The following DNAH10 variants were observed in gnomAD, a reference collection of about 807,000 sequenced individuals.
DNAH10 encodes the protein dynein axonemal heavy chain 10, also known as axonemal beta dynein heavy chain 10.
DNAH10 carries 348 observed loss-of-function variants against 506.6 expected under a neutral mutation model. That is an observed-to-expected ratio of 0.69 (90% CI 0.63 to 0.75). DNAH10 has a LOEUF of 0.75. DNAH10 is among the 30% of genes least tolerant of loss of function. The probability of loss-of-function intolerance (pLI) is 0.00; values close to 1 mark genes in which losing one functional copy is unlikely to be tolerated. For synonymous variants in DNAH10, 2,059 were observed against 2,198.6 expected (o/e 0.94, Z 1.78); for missense variants, 5,179 against 5,787.1 (o/e 0.89, Z 3.41).
intron 26 of DNAH10, among the ~76,000 whole-genome samples, chr12:123,831,736 C>CA (rs938094095): frequency 2.0e-5 from 3 of 151,544 alleles, no homozygotes; most frequent in Non-Finnish European, 2.9e-5. Flanking sequence ...ACTAAAAATA[C>CA]AAAAAAAATT....
chr12:123,819,351 T>A, intron 23 of DNAH10, 101 bp downstream of exon 23: 1 of 818,796 alleles, frequency 1.2e-6, no homozygotes, highest in South Asian at 1.7e-5. Flanking sequence ...GTGCCGTGAT[T>A]AAAATATTTA....
In DNAH10 at chr12:123,916,059, T is replaced by G. The variant is rs187316375; in HGVS notation, c.10723-398T>G. On this transcript the variant is annotated intron_variant, in intron 62 of 78. Coordinates refer to ENST00000673944, the MANE Select transcript of DNAH10 (RefSeq NM_001372106.1). This position sits in a 1 kb window ranked among gnomAD's most constrained non-coding sequence, Gnocchi z 4.6. ...TCAGGGGAACAGTCTGCCTCCAAAA[T>G]GCACATGGAGCTATCAGGGAGCAAA... Among the ~76,000 whole-genome samples, 8 of 152,304 alleles carry G rather than the reference T, an allele frequency of 5.3e-5. No homozygotes were observed. Among genetic ancestry groups the G allele is most frequent in the African/African-American group, 1.9e-4 (8 of 41,558 alleles).
At chr12:123,915,942 A>T (rs1261509850) in intron 62 of DNAH10, among the ~76,000 whole-genome samples, 1 of 150,346 alleles carries the variant, frequency 6.7e-6, no homozygotes, top group Non-Finnish European at 1.5e-5. Flanking sequence ...GAACAAATTA[A>T]TTATTTTCAA....
chr12:123,868,256 G>A, intron 43 of DNAH10, 137 bp downstream of exon 43: 1 of 804,104 alleles, frequency 1.2e-6, no homozygotes, highest in South Asian at 1.8e-5. Context: ...ACATGCAATG[G>A]TCAGAGCACA....
chr12:123,818,894 A>C, intron 21 of DNAH10, 56 bp from the exon 22 acceptor site: 1 of 1,247,482 alleles, frequency 8.0e-7, no homozygotes, highest in East Asian at 2.5e-5. Flanking sequence ...CATCAATTTC[A>C]ATTCCAAATT....
At chr12:123,922,872 G>C (rs909420656) in intron 65 of DNAH10, 1 of 152,154 alleles carries the variant, frequency 6.6e-6, no homozygotes, top group Admixed American at 6.5e-5. Flanking sequence ...TAAAGACCCT[G>C]TCTCCAAATA....
At chr12:123,800,116 C>T in intron 14 of DNAH10, 100 bp from the exon 15 acceptor site, 1 of 1,203,778 alleles carries the variant, frequency 8.3e-7, no homozygotes, top group Non-Finnish European at 1.2e-6. Flanking sequence ...GTGAAGGGCC[C>T]AGTGTTGATC....
At chr12:123,895,776 A>C (rs1312673023) in intron 54 of DNAH10, among the ~76,000 whole-genome samples, 2 of 152,128 alleles carry the variant, frequency 1.3e-5, no homozygotes, top group African/African-American at 2.4e-5. Context: ...CATCATAAAT[A>C]ATGCTGCCTA....
At position 123,762,527 on chromosome 12, in the gene DNAH10, C is replaced by T. The variant is rs572124409; in HGVS notation, c.191C>T (p.Pro64Leu). Residue 64 changes from proline to leucine, a missense_variant, in exon 1 of 79, where the codon CCG becomes CTG. By Grantham distance (98) the Pro-to-Leu change is moderately conservative. This residue lies in a region of DNAH10 where 326 missense variants were observed against 330.8 expected (regional missense o/e 0.99). Coordinates refer to ENST00000673944, the MANE Select transcript of DNAH10 (RefSeq NM_001372106.1). This position sits in a 1 kb window ranked among gnomAD's most constrained non-coding sequence, Gnocchi z 5.0. ...SALFIYRTMV[P>L]EEVEVEIDEI... ...CTCTTCATCTACCGCACTATGGTGC[C>T]GGAGGAGGTGGAGGTGGAGATTGGT... 3.8e-6 allele frequency: 6 copies of T among 1,558,616 alleles called. No individual in the cohort carries two copies. The African/African-American group carries it at 4.1e-5, about 11-fold the overall frequency.
intron 24 of DNAH10, among the ~76,000 whole-genome samples, chr12:123,823,354 G>T (rs1277718126): frequency 5.9e-5 from 9 of 152,206 alleles, no homozygotes. Flanking sequence ...TCCGGAGGCA[G>T]CCGGGGGATT....
intron 38 of DNAH10, among the ~76,000 whole-genome samples, chr12:123,860,415 T>A (rs1266149152): frequency 6.6e-6 from 1 of 152,254 alleles, no homozygotes; most frequent in Non-Finnish European, 1.5e-5. Context: ...ATGTGTAATA[T>A]AGCATGTACA....
chr12:123,839,742 A>G (rs1236943979), intron 29 of DNAH10, among the ~76,000 whole-genome samples: 1 of 146,270 alleles, frequency 6.8e-6, no homozygotes, highest in Non-Finnish European at 1.5e-5. Context: ...CACTCACTGC[A>G]AGCTCCACCT....
In DNAH10 at chr12:123,919,621, C is replaced by A. The variant is rs1190130711; in HGVS notation, c.11506+672C>A. The stretch of plus-strand genomic sequence containing the variant: ...ATACCCATTAGCAGTCACCCCCTGG[C>A]CCCCCACTCCTAGTCCCTGGCAGTC... On this transcript the variant is annotated intron_variant, in intron 65 of 78. Coordinates refer to ENST00000673944, the MANE Select transcript of DNAH10 (RefSeq NM_001372106.1). The surrounding 1 kb of genome is among the most constrained non-coding windows in gnomAD (Gnocchi z 4.9). Among the ~76,000 whole-genome samples the A allele has an allele frequency of 6.6e-6, 1 of 152,150 alleles. No homozygotes were observed. The highest frequency in any genetic ancestry group is 1.5e-5 in the Non-Finnish European group (1 of 68,028).
Position 123,830,573 on chromosome 12 carries a change from G to A in DNAH10, c.4419G>A (p.Thr1473=), listed in dbSNP as rs1474970227. The change falls in exon 26 of 79, where the codon ACG becomes ACA. Residue 1473 remains threonine (T), a synonymous_variant. Transcript: ENST00000673944. The part of the protein sequence containing the change: ...DRHWKELMEK[T]SVFFEMTETF... ...ATTGGAAAGAACTTATGGAAAAAAC[G>A]TCTGTCTTTTTTGAAATGACCGAAA... The A allele has an allele frequency of 3.1e-6, 5 of 1,613,490 alleles. No individual in the cohort carries two copies. Among genetic ancestry groups the A allele is most frequent in the Middle Eastern group, 1.7e-4 (1 of 6,058 alleles).
At position 123,828,549 on chromosome 12, in the gene DNAH10, C is replaced by T. The variant is rs74902429; in HGVS notation, c.4391+1651C>T. ...TTTCTGCAGCAGCAGGCATACTCGC[C>T]GAGTCTGCTTTTAGCTCCCCTATCT... On this transcript the variant is annotated intron_variant, in intron 25 of 78. Coordinates refer to ENST00000673944, the MANE Select transcript of DNAH10 (RefSeq NM_001372106.1). Among the ~76,000 whole-genome samples, 939 of 152,202 alleles carry T rather than the reference C, an allele frequency of 6.2e-3. 20 individuals are homozygous for T. Among genetic ancestry groups the T allele is most frequent in the African/African-American group, 0.021 (877 of 41,516 alleles).
intron 65 of DNAH10, among the ~76,000 whole-genome samples, chr12:123,920,747 T>C (rs955660509): frequency 4.6e-5 from 7 of 152,176 alleles, no homozygotes; most frequent in African/African-American, 1.7e-4. Flanking sequence ...TTCTCTCTTT[T>C]CCCCCTTGCA....
At position 123,934,681 on chromosome 12, in the gene DNAH10, T is replaced by C. The variant is rs1955403182; in HGVS notation, c.13538T>C (p.Leu4513Pro). Residue 4513 changes from leucine to proline, a missense_variant, in exon 78 of 79, where the codon CTT (leucine) becomes CCT (proline). This residue lies in a region of DNAH10 where 4,844 missense variants were observed against 5,430.5 expected (regional missense o/e 0.89). Transcript: ENST00000673944. Reference sequence around the variant, plus strand: ...GACTGGGATATAGAAAAAGGATGTCTTATCAAGAGCAAACCCAAGGTGCTG... The same window carrying C: ...GACTGGGATATAGAAAAAGGATGTCCTATCAAGAGCAAACCCAAGGTGCTG... ...GADWDIEKGC[L>P]IKSKPKVLVV... 1 of 1,613,800 alleles carries C rather than the reference T, an allele frequency of 6.2e-7. No individual in the cohort carries two copies. The highest frequency in any genetic ancestry group is 1.3e-5 in the African/African-American group (1 of 75,054).
At position 123,851,325 on chromosome 12, in the gene DNAH10, CAT is replaced by C. The variant is rs1565993358; in HGVS notation, c.6291+250_6291+251del. Among the ~76,000 whole-genome samples, 175 of 142,418 alleles carry C rather than the reference CAT, an allele frequency of 1.2e-3. 8 individuals are homozygous for C. Among genetic ancestry groups the C allele is most frequent in the South Asian group, 4.2e-3 (19 of 4,510 alleles). 93.4% of individuals were successfully genotyped at this position (142,418 alleles called of 152,430 possible). On this transcript the variant is annotated intron_variant, in intron 35 of 78. Coordinates refer to ENST00000673944, the MANE Select transcript of DNAH10 (RefSeq NM_001372106.1). ...CTGGGGACCTAGGATGTGTTAGCTC[CAT>C]GTGGCTCTTCCAGACTGGGGACCTA...
At chr12:123,808,144 C>A (rs1958783345) in intron 18 of DNAH10, among the ~76,000 whole-genome samples, 1 of 152,142 alleles carries the variant, frequency 6.6e-6, no homozygotes, top group Non-Finnish European at 1.5e-5. Flanking sequence ...GCAATTCTCC[C>A]ACTTCAGCCT....
Sources: allele counts gnomAD v4.1 joint callset (sites outside exome capture counted in the v4.1 genomes callset), GRCh38; gene constraint gnomAD v4.1.1; regional missense constraint gnomAD v4.1.1; non-coding constraint Gnocchi (gnomAD v3.1); transcripts MANE v1.5; gene names NCBI Gene and HGNC (gene_info 2026-07-23, HGNC 2026-07-21).